MAP3K9: variants seen among roughly 807,000 people sequenced by gnomAD.
MAP3K9 encodes mixed lineage kinase 1 (tyr and ser/thr specificity).
A neutral mutation model predicts 95.8 loss-of-function variants in MAP3K9; 46 were observed. That is an observed-to-expected ratio of 0.48 (90% CI 0.38 to 0.61). The LOEUF (loss-of-function observed/expected upper bound fraction) is 0.61, where lower values mean the gene tolerates loss of function less well. Ranked by LOEUF, MAP3K9 falls within the 20% of genes least tolerant of loss-of-function variation. The pLI, the probability that MAP3K9 is intolerant of heterozygous loss-of-function variation, is 0.00. For missense variants in MAP3K9, 1,296 were observed against 1,474.3 expected, an observed-to-expected ratio of 0.88 and a Z score of 1.98; for synonymous variants, 533 against 593.8, an observed-to-expected ratio of 0.90 and a Z score of 1.49.
At chr14:70,793,707 G>T (rs1224096462) in intron 2 of MAP3K9, among the ~76,000 whole-genome samples, 2 of 151,784 alleles carry the variant, frequency 1.3e-5, no homozygotes, top group Non-Finnish European at 2.9e-5. Flanking sequence ...ATTTATTGAG[G>T]ACCCTACTAT....
rs143978148 is a variant in MAP3K9 at position 70,772,195 on chromosome 14, G to A, written c.821-11013C>T. Among the ~76,000 whole-genome samples, 18 of 152,326 alleles carry A rather than the reference G, an allele frequency of 1.2e-4. No homozygotes were observed. In the East Asian group the frequency reaches 3.5e-3, roughly 29 times the overall value. On this transcript the variant is annotated intron_variant, in intron 2 of 11. Coordinates refer to ENST00000554752, the MANE Select transcript of MAP3K9 (RefSeq NM_001284230.2). Reference sequence around the variant, plus strand: ...TCCGCATTGTCAGCAGAGCTGCACCGGGTTCCACTGGCACAACCAGCAAAG... The same window carrying A: ...TCCGCATTGTCAGCAGAGCTGCACCAGGTTCCACTGGCACAACCAGCAAAG...
chr14:70,759,185 T>C (rs1199714424), intron 3 of MAP3K9, among the ~76,000 whole-genome samples: 3 of 152,188 alleles, frequency 2.0e-5, no homozygotes, highest in African/African-American at 4.8e-5. Flanking sequence ...GTGTGGTTCA[T>C]GCCTATGATC....
At chr14:70,797,590 TA>T (rs1189012837) in intron 2 of MAP3K9, among the ~76,000 whole-genome samples, 1 of 151,860 alleles carries the variant, frequency 6.6e-6, no homozygotes, top group Non-Finnish European at 1.5e-5. Context: ...ATACAAAAAT[TA>T]GCCAGGTGTG....
chr14:70,735,641 A>G (rs1413736046), intron 9 of MAP3K9, among the ~76,000 whole-genome samples: 1 of 152,128 alleles, frequency 6.6e-6, no homozygotes, highest in Non-Finnish European at 1.5e-5. Context: ...GATCCAGGAA[A>G]ATCCAGATTA....
At position 70,748,892 on chromosome 14, in the gene MAP3K9, G is replaced by C; in HGVS notation, c.1263C>G (p.Cys421Trp). Residue 421 changes from cysteine to tryptophan, a missense_variant, in exon 5 of 12, where the codon TGC becomes TGG. By Grantham distance (215) the Cys-to-Trp change is radical. Around this residue, in one of 5 missense-constraint regions of MAP3K9, gnomAD observed 136 missense variants for 221.5 expected, o/e 0.61. Transcript: ENST00000554752. Reference sequence around the variant, plus strand: ...TCTCGTGTTTCCAGTTGTCCTGCAGGCAGTGGAAGGAGTCCTTGGGCATTT... The same window carrying C: ...TCTCGTGTTTCCAGTTGTCCTGCAGCCAGTGGAAGGAGTCCTTGGGCATTT... Reference protein sequence around the residue: ...FFEMPKDSFHCLQDNWKHEIQ... With the variant: ...FFEMPKDSFHWLQDNWKHEIQ... The C allele has an allele frequency of 1.2e-6, 2 of 1,614,092 alleles. No homozygotes were observed. Among genetic ancestry groups the C allele is most frequent in the Non-Finnish European group, 1.7e-6 (2 of 1,180,002 alleles).
intron 1 of MAP3K9, among the ~76,000 whole-genome samples, chr14:70,804,585 A>G (rs1258334168): frequency 6.6e-6 from 1 of 152,198 alleles, no homozygotes; most frequent in Non-Finnish European, 1.5e-5. Context: ...AATTTTAACT[A>G]TTGTACTTTC....
At chr14:70,806,092 A>G (rs2054986519) in intron 1 of MAP3K9, among the ~76,000 whole-genome samples, 1 of 152,210 alleles carries the variant, frequency 6.6e-6, no homozygotes, top group African/African-American at 2.4e-5. Flanking sequence ...GGAGAAGTTC[A>G]AAAGGGTAAC....
In MAP3K9 at chr14:70,747,904, C is replaced by A. The variant is rs577133114; in HGVS notation, c.1326+925G>T. Among the ~76,000 whole-genome samples, 3 of 152,064 alleles carry A rather than the reference C, an allele frequency of 2.0e-5. No homozygotes were observed. In the East Asian group the frequency reaches 5.8e-4, roughly 29 times the overall value. On this transcript the variant is annotated intron_variant, in intron 5 of 11. Coordinates refer to ENST00000554752, the MANE Select transcript of MAP3K9 (RefSeq NM_001284230.2). ...TGGGCGGATCACGAGGTCAGGAGATCGAGAGCATTCTGGCTAACACGGTGA... is the reference window on the plus strand; with the variant it reads ...TGGGCGGATCACGAGGTCAGGAGATAGAGAGCATTCTGGCTAACACGGTGA...
At chr14:70,749,120 C>A in intron 4 of MAP3K9, 116 bp from the exon 5 acceptor site, 1 of 995,746 alleles carries the variant, frequency 1.0e-6, no homozygotes. Context: ...CTTCCAGAAA[C>A]AGAGATCAGA....
chr14:70,734,397 A>C lies in MAP3K9; in HGVS notation c.2015T>G (p.Leu672Arg). The C allele has an allele frequency of 6.2e-7, 1 of 1,613,176 alleles. No individual in the cohort carries two copies. Among genetic ancestry groups the C allele is most frequent in the African/African-American group, 1.3e-5 (1 of 75,032 alleles). The change falls in exon 10 of 12, where the codon CTT becomes CGT. Residue 672 changes from leucine (L) to arginine (R), a missense_variant. Leu to Arg is a moderately radical substitution (Grantham distance 102, BLOSUM62 -2). Coordinates refer to ENST00000554752, the MANE Select transcript of MAP3K9 (RefSeq NM_001284230.2). The stretch of plus-strand genomic sequence containing the variant: ...GGAGCTATGCTTACCCATCTCCATA[A>C]GGCTGGTGAACCCTGGCAGGGCCGG... ...SSPALPGFTS[L>R]MEMEDEDSEG...
At chr14:70,760,897 T>C in intron 3 of MAP3K9, 105 bp downstream of exon 3, 4 of 1,255,810 alleles carry the variant, frequency 3.2e-6, no homozygotes, top group Non-Finnish European at 4.5e-6. Context: ...TTAGACCTAC[T>C]TCAGGTGCCT....
chr14:70,737,648 C>T (rs369937707), intron 8 of MAP3K9, among the ~76,000 whole-genome samples: 1 of 152,182 alleles, frequency 6.6e-6, no homozygotes, highest in Admixed American at 6.5e-5. Flanking sequence ...AACTGTACTA[C>T]CAGGGCTGGG....
chr14:70,774,458 T>C (rs1339356147), intron 2 of MAP3K9, among the ~76,000 whole-genome samples: 1 of 140,268 alleles, frequency 7.1e-6, no homozygotes, highest in Non-Finnish European at 1.5e-5. Context: ...CTGAGGTGAG[T>C]TCGAGACCAG....
intron 2 of MAP3K9, among the ~76,000 whole-genome samples, chr14:70,785,208 T>A (rs2054731670): frequency 6.6e-6 from 1 of 152,178 alleles, no homozygotes; most frequent in Admixed American, 6.5e-5. Context: ...CTACCACCTC[T>A]TCCTGGAGTA....
At chr14:70,740,276 A>G in intron 6 of MAP3K9, 112 bp from the exon 7 acceptor site, 2 of 1,181,388 alleles carry the variant, frequency 1.7e-6, no homozygotes, top group Non-Finnish European at 2.4e-6. Flanking sequence ...AGTTTCCTGA[A>G]AAGCTCTTTG....
In MAP3K9 at chr14:70,769,807, C is replaced by G. The variant is rs2054506748; in HGVS notation, c.821-8625G>C. ...TATGTGTCCTTATAAGGACATCGGT[C>G]ATTGGATTAGGGCCCATCCTAATCC... On this transcript the variant is annotated intron_variant, in intron 2 of 11. Transcript: ENST00000554752. 2.0e-5 allele frequency among the ~76,000 whole-genome samples: 3 copies of G among 152,180 alleles called. No individual in the cohort carries two copies. In the South Asian group the frequency reaches 6.2e-4, roughly 31 times the overall value.
At chr14:70,797,797 T>C (rs1488489226) in intron 2 of MAP3K9, among the ~76,000 whole-genome samples, 1 of 152,158 alleles carries the variant, frequency 6.6e-6, no homozygotes, top group East Asian at 1.9e-4. Context: ...GGAGTAAGAA[T>C]GGTGGTATCA....
At chr14:70,790,943 G>A (rs774207558) in intron 2 of MAP3K9, among the ~76,000 whole-genome samples, 4 of 152,186 alleles carry the variant, frequency 2.6e-5, no homozygotes, top group Non-Finnish European at 5.9e-5. Context: ...GAGGAGGAAA[G>A]GAGAAATAGG....
rs778571437 is a variant in MAP3K9 at position 70,733,039 on chromosome 14, A to T, written c.2330T>A (p.Leu777Gln). The change falls in exon 11 of 12, where the codon CTG (leucine) becomes CAG (glutamine). Residue 777 changes from leucine to glutamine, a missense_variant. By Grantham distance (113) the Leu-to-Gln change is moderately radical. Coordinates refer to ENST00000554752, the MANE Select transcript of MAP3K9 (RefSeq NM_001284230.2). ...FDLLEAGKCQ[L>Q]LPLEEPEPPA... Reference sequence around the variant, plus strand: ...TGGCTCAGGCTCCTCCAGGGGAAGCAGCTGGCACTTGCCAGCTTCCAGCAA... The same window carrying T: ...TGGCTCAGGCTCCTCCAGGGGAAGCTGCTGGCACTTGCCAGCTTCCAGCAA... The T allele has an allele frequency of 6.8e-6, 11 of 1,614,166 alleles. No individual in the cohort carries two copies. Among genetic ancestry groups the T allele is most frequent in the Non-Finnish European group, 9.3e-6 (11 of 1,180,030 alleles).
Sources: allele counts gnomAD v4.1 joint callset (sites outside exome capture counted in the v4.1 genomes callset), GRCh38; gene constraint gnomAD v4.1.1; regional missense constraint gnomAD v4.1.1; transcripts MANE v1.5; gene names NCBI Gene and HGNC (gene_info 2026-07-23, HGNC 2026-07-21).